Variants in SERPINI2 observed in about 807,000 individuals in gnomAD.
SERPINI2 encodes the protein serpin family I member 2.
SERPINI2 carries 48 observed loss-of-function variants against 47.3 expected under a neutral mutation model. That is an observed-to-expected ratio of 1.02 (90% CI 0.81 to 1.29). The LOEUF is 1.29. Ranked by LOEUF, SERPINI2 falls within the 50% of genes most tolerant of loss-of-function variation. SERPINI2 has a pLI of 0.00. For missense variants in SERPINI2, 448 were observed against 456.9 expected, an observed-to-expected ratio of 0.98 and a Z score of 0.18; for synonymous variants, 135 against 149.3, an observed-to-expected ratio of 0.90 and a Z score of 0.70.
chr3:167,465,596 T>G (rs1750110028), exon 4 of SERPINI2: 4 of 1,613,660 alleles, frequency 2.5e-6, no homozygotes, highest in Non-Finnish European at 3.4e-6. Flanking sequence ...CAATCTCCTT[T>G]GAAATAAATA....
chr3:167,468,765 C>G (rs1211532633), intron 2 of SERPINI2, among the ~76,000 whole-genome samples: 1 of 152,028 alleles, frequency 6.6e-6, no homozygotes, highest in African/African-American at 2.4e-5. Context: ...CTATCTGAAG[C>G]CTGAAACAAA....
At chr3:167,445,703 A>C (rs1749459578) in intron 8 of SERPINI2, among the ~76,000 whole-genome samples, 2 of 152,198 alleles carry the variant, frequency 1.3e-5, no homozygotes, top group African/African-American at 2.4e-5. Context: ...GATCCTAAAC[A>C]TAAACTTGAC....
chr3:167,458,365 C>T (rs1436339007), intron 5 of SERPINI2, among the ~76,000 whole-genome samples: 1 of 150,798 alleles, frequency 6.6e-6, no homozygotes, highest in Non-Finnish European at 1.5e-5. Flanking sequence ...ATTTTCCTGC[C>T]TCAGCCTCCC....
exon 7 of SERPINI2, chr3:167,449,352 T>C (rs1176973877): frequency 1.2e-6 from 2 of 1,613,182 alleles, no homozygotes; most frequent in East Asian, 2.2e-5. Flanking sequence ...TCTTCATTTA[T>C]CTCAAAGAAA....
chr3:167,466,705 G>T (rs1360485162), intron 3 of SERPINI2, among the ~76,000 whole-genome samples: 1 of 152,006 alleles, frequency 6.6e-6, no homozygotes, highest in African/African-American at 2.4e-5. Flanking sequence ...GAAGGCATTT[G>T]GGATTGACAG....
At chr3:167,457,642 A>G (rs1253300737) in intron 5 of SERPINI2, among the ~76,000 whole-genome samples, 1 of 152,232 alleles carries the variant, frequency 6.6e-6, no homozygotes, top group Non-Finnish European at 1.5e-5. Context: ...TCCTCATTGA[A>G]TAGCTACTAT....
chr3:167,454,829 G>A (rs1230902580), intron 5 of SERPINI2, among the ~76,000 whole-genome samples: 1 of 152,142 alleles, frequency 6.6e-6, no homozygotes, highest in East Asian at 1.9e-4. Context: ...GCACTGCCAT[G>A]TGTTAGGTAC....
intron 8 of SERPINI2, among the ~76,000 whole-genome samples, chr3:167,444,272 C>T (rs62279813): frequency 3.3e-5 from 5 of 152,080 alleles, no homozygotes; most frequent in Non-Finnish European, 7.4e-5. Flanking sequence ...TAAAAAGGTG[C>T]TTTATTGTCC....
chr3:167,470,888 G>T (rs2108173850), intron 2 of SERPINI2, among the ~76,000 whole-genome samples: 1 of 152,180 alleles, frequency 6.6e-6, no homozygotes, highest in Non-Finnish European at 1.5e-5. Flanking sequence ...ATCCCAGTAA[G>T]AGGGATAGAC....
At position 167,446,779 on chromosome 3, in the gene SERPINI2, A is replaced by G. The variant is rs149346888; in HGVS notation, c.1052-298T>C. ...AGCAGTTGAAAAAATTTATCTTTTAAACAGTAATTTTCTGTTCACTTTTTA... is the reference window on the plus strand; with the variant it reads ...AGCAGTTGAAAAAATTTATCTTTTAGACAGTAATTTTCTGTTCACTTTTTA... On this transcript the variant is annotated intron_variant, in intron 7 of 8. Coordinates refer to ENST00000264677, the Ensembl canonical transcript of SERPINI2. 548 of 185,736 alleles carry G rather than the reference A, an allele frequency of 3.0e-3. 3 individuals carry two copies. The highest frequency in any genetic ancestry group is 0.02 in the Middle Eastern group (9 of 452). The allele number at this position is 185,736 out of a possible 1,614,324, so 11.5% of individuals were successfully genotyped here.
chr3:167,464,274 A>G lies in SERPINI2; in HGVS notation c.866+932T>C, dbSNP rs371612790. ...GATGATCTGCCCGCCTCAGCCTCCCAAAGTGCTGTGATTACAGTCATGAGC... is the reference window on the plus strand; with the variant it reads ...GATGATCTGCCCGCCTCAGCCTCCCGAAGTGCTGTGATTACAGTCATGAGC... On this transcript the variant is annotated intron_variant, in intron 5 of 8. Transcript: ENST00000264677. Among the ~76,000 whole-genome samples the G allele has an allele frequency of 3.3e-5, 5 of 152,128 alleles. No homozygotes were observed. In the East Asian group the frequency reaches 5.8e-4, roughly 18 times the overall value.
intron 8 of SERPINI2, among the ~76,000 whole-genome samples, chr3:167,445,370 T>C (rs185760058): frequency 6.6e-6 from 1 of 152,226 alleles, no homozygotes; most frequent in African/African-American, 2.4e-5. Context: ...TTATTCATAA[T>C]GAACACTTAG....
intron 7 of SERPINI2, among the ~76,000 whole-genome samples, chr3:167,448,861 T>A (rs900471010): frequency 6.6e-6 from 1 of 152,206 alleles, no homozygotes; most frequent in Non-Finnish European, 1.5e-5. Context: ...CAGGTGATTT[T>A]TATGTGCAGG....
At chr3:167,457,876 ATTT>A (rs1199112148) in intron 5 of SERPINI2, among the ~76,000 whole-genome samples, 1 of 152,212 alleles carries the variant, frequency 6.6e-6, no homozygotes, top group Non-Finnish European at 1.5e-5. Context: ...CCCAAACTTA[ATTT>A]TAAGGACAAA....
At chr3:167,458,617 T>C (rs1211698269) in intron 5 of SERPINI2, among the ~76,000 whole-genome samples, 1 of 152,114 alleles carries the variant, frequency 6.6e-6, no homozygotes, top group African/African-American at 2.4e-5. Flanking sequence ...CAATAGGTGG[T>C]AACCATCTTA....
At chr3:167,464,009 CTTT>C (rs555948215) in intron 5 of SERPINI2, among the ~76,000 whole-genome samples, 130 of 93,266 alleles carry the variant, frequency 1.4e-3, no homozygotes, top group African/African-American at 4.9e-3. Flanking sequence ...ACAGGAGTGG[CTTT>C]TTTTTTTTTT....
At chr3:167,447,671 G>T (rs1268345640) in intron 7 of SERPINI2, among the ~76,000 whole-genome samples, 1 of 152,128 alleles carries the variant, frequency 6.6e-6, no homozygotes, top group Non-Finnish European at 1.5e-5. Flanking sequence ...TTACATTGCT[G>T]GGCCTGTTTC....
rs78030923 is a variant in SERPINI2 at position 167,445,711 on chromosome 3, G to C, written c.1141+681C>G. On this transcript the variant is annotated intron_variant, in intron 8 of 8. Transcript: ENST00000264677. ...GCTGAAGGATCCTAAACATAAACTT[G>C]ACAATTTTCCCACTGTATTCACATT... Among the ~76,000 whole-genome samples, 695 of 152,232 alleles carry C rather than the reference G, an allele frequency of 4.6e-3. 5 individuals are homozygous for C. The highest frequency in any genetic ancestry group is 0.016 in the African/African-American group (674 of 41,546).
At chr3:167,456,065 AAT>A (rs755911862) in intron 5 of SERPINI2, among the ~76,000 whole-genome samples, 6 of 152,016 alleles carry the variant, frequency 3.9e-5, no homozygotes, top group African/African-American at 7.3e-5. Flanking sequence ...TGAGGAGAAA[AAT>A]ACAACACAAT....
Sources: allele counts gnomAD v4.1 joint callset (sites outside exome capture counted in the v4.1 genomes callset), GRCh38; gene constraint gnomAD v4.1.1; transcripts MANE v1.5; gene names NCBI Gene and HGNC (gene_info 2026-07-23, HGNC 2026-07-21).